NHSL1: variants seen among roughly 807,000 people sequenced by gnomAD.
NHSL1 encodes NHS-like protein 1.
In NHSL1, 48 loss-of-function variants were observed where a neutral mutation model predicts 95.0. The observed-to-expected ratio is 0.51, with a 90% confidence interval of 0.40 to 0.64. The LOEUF is 0.64. NHSL1 is among the 30% of genes least tolerant of loss of function. NHSL1 has a pLI of 0.00. For synonymous variants in NHSL1, 783 were observed against 833.9 expected (o/e 0.94, Z 1.05); for missense variants, 1,971 against 2,077.7 (o/e 0.95, Z 1.00).
intron 1 of NHSL1, among the ~76,000 whole-genome samples, chr6:138,508,100 G>A (rs1781049682): frequency 6.6e-6 from 1 of 152,150 alleles, no homozygotes; most frequent in South Asian, 2.1e-4. Flanking sequence ...ACTGTGACTG[G>A]TTTAGCCAAG....
intron 1 of NHSL1, among the ~76,000 whole-genome samples, chr6:138,647,767 T>G (rs1460843631): frequency 1.3e-5 from 2 of 151,986 alleles, no homozygotes; most frequent in South Asian, 2.1e-4. Flanking sequence ...CCGGCTAATT[T>G]TAGTATTTTC....
At chr6:138,589,859 G>A (rs769550621) in intron 1 of NHSL1, among the ~76,000 whole-genome samples, 5 of 151,972 alleles carry the variant, frequency 3.3e-5, no homozygotes, top group Non-Finnish European at 7.4e-5. Flanking sequence ...CTCTTCCTTG[G>A]CCCTTGCACC....
At chr6:138,428,609 C>G (rs950595594) in intron 7 of NHSL1, among the ~76,000 whole-genome samples, 6 of 152,160 alleles carry the variant, frequency 3.9e-5, no homozygotes, top group African/African-American at 1.4e-4. Context: ...GCTTCGTTCC[C>G]CCCACACCAA....
intron 1 of NHSL1, among the ~76,000 whole-genome samples, chr6:138,671,178 C>T (rs1785363263): frequency 6.6e-6 from 1 of 151,822 alleles, no homozygotes; most frequent in Non-Finnish European, 1.5e-5. Flanking sequence ...AAAAATAGGT[C>T]GGGCGTGGTG....
intron 3 of NHSL1, among the ~76,000 whole-genome samples, chr6:138,455,772 G>A (rs1468609307): frequency 3.3e-5 from 4 of 122,692 alleles, no homozygotes; most frequent in African/African-American, 1.1e-4. Flanking sequence ...CATAAACACT[G>A]GTAGTGCCAC....
intron 1 of NHSL1, among the ~76,000 whole-genome samples, chr6:138,625,771 T>C (rs1414649003): frequency 6.6e-6 from 1 of 152,040 alleles, no homozygotes. Context: ...TCTTCCTAGC[T>C]GCTAAGACTA....
intron 1 of NHSL1, among the ~76,000 whole-genome samples, chr6:138,675,080 A>G (rs1415468538): frequency 6.6e-6 from 1 of 151,992 alleles, no homozygotes; most frequent in African/African-American, 2.4e-5. Context: ...GAAAAAATTA[A>G]AAGAGGCACT....
At chr6:138,501,863 A>G (rs977533172), upstream of NHSL1, among the ~76,000 whole-genome samples, 2 of 152,192 alleles carry the variant, frequency 1.3e-5, no homozygotes, top group Non-Finnish European at 2.9e-5. Context: ...TCATCTCTAC[A>G]TTACTTATAG....
At chr6:138,657,082 G>A (rs1329414398) in intron 1 of NHSL1, among the ~76,000 whole-genome samples, 3 of 151,930 alleles carry the variant, frequency 2.0e-5, no homozygotes, top group South Asian at 2.1e-4. Flanking sequence ...CATAGATAAC[G>A]TATCATTAGG....
At position 138,458,689 on chromosome 6, in the gene NHSL1, G is replaced by C. The variant is rs145736737; in HGVS notation, c.340-11496C>G. On this transcript the variant is annotated intron_variant, in intron 3 of 7. Coordinates refer to ENST00000343505, the MANE Select transcript of NHSL1 (RefSeq NM_001144060.2). Reference sequence around the variant, plus strand: ...ACAAATACAAAAATTAGCTGGGTGTGGTGGCATGTGCCTGTAGTCCCAGCT... The same window carrying C: ...ACAAATACAAAAATTAGCTGGGTGTCGTGGCATGTGCCTGTAGTCCCAGCT... 2.9e-3 allele frequency among the ~76,000 whole-genome samples: 440 copies of C among 152,174 alleles called. 2 individuals are homozygous for C. The highest frequency in any genetic ancestry group is 9.4e-3 in the African/African-American group (390 of 41,540).
intron 1 of NHSL1, among the ~76,000 whole-genome samples, chr6:138,626,469 G>C (rs983116545): frequency 3.3e-5 from 5 of 152,096 alleles, no homozygotes; most frequent in African/African-American, 1.2e-4. Context: ...TAAATATTAA[G>C]AAGGCATTTG....
chr6:138,659,680 G>T (rs1324494044), intron 1 of NHSL1, among the ~76,000 whole-genome samples: 1 of 150,818 alleles, frequency 6.6e-6, no homozygotes, highest in Non-Finnish European at 1.5e-5. Flanking sequence ...CTAACATAAT[G>T]AGCTAATTAA....
rs181479840 is a variant in NHSL1, at chr6:138,580,937, A to G, written c.97-84566T>C. ...TCCTTTCAAAGAGAGAAGCAGGGGG[A>G]GGTTTCAGCTGGAAGAGGAAAAGGC... On this transcript the variant is annotated intron_variant, in intron 1 of 3. Coordinates refer to the NHSL1 transcript ENST00000491526. 7.2e-4 allele frequency among the ~76,000 whole-genome samples: 110 copies of G among 152,324 alleles called. No homozygotes were observed. The East Asian group carries it at 0.015, about 20-fold the overall frequency.
intron 1 of NHSL1, chr6:138,650,879 G>A (rs757424736): frequency 3.7e-5 from 20 of 540,780 alleles, no homozygotes; most frequent in African/African-American, 5.8e-5. Context: ...CTGGGGCCTC[G>A]GGCCTTGGAA....
At position 138,666,854 on chromosome 6, in the gene NHSL1, G is replaced by A. The variant is rs139539944; in HGVS notation, c.96+25622C>T. Among the ~76,000 whole-genome samples, 439 of 152,252 alleles carry A rather than the reference G, an allele frequency of 2.9e-3. 1 individual carries two copies. The highest frequency in any genetic ancestry group is 4.5e-3 in the Non-Finnish European group (308 of 68,018). On this transcript the variant is annotated intron_variant, in intron 1 of 3. Coordinates refer to the NHSL1 transcript ENST00000491526. ...GCATGCAGGGCATAAATTCTGTAACGCTGGAATCTCTTCCATGGGAATTTA... is the reference window on the plus strand; with the variant it reads ...GCATGCAGGGCATAAATTCTGTAACACTGGAATCTCTTCCATGGGAATTTA...
At chr6:138,598,627 GAAAAAAAAAA>G (rs35482505) in intron 1 of NHSL1, among the ~76,000 whole-genome samples, 1 of 86,846 alleles carries the variant, frequency 1.2e-5, no homozygotes, top group Admixed American at 1.3e-4. Context: ...TCATCTGGAA[GAAAAAAAAAA>G]AAAAAAAAAA....
chr6:138,566,483 G>A lies in NHSL1; in HGVS notation c.202+5227C>T, dbSNP rs188266087. Among the ~76,000 whole-genome samples the A allele has an allele frequency of 3.3e-5, 5 of 151,866 alleles. No homozygotes were observed. In the East Asian group the frequency reaches 5.8e-4, roughly 18 times the overall value. On this transcript the variant is annotated intron_variant, in intron 1 of 6. Transcript: ENST00000427025. ...TTTCAAAGAAGGTTTCCATAACTTA[G>A]CAAAGACATTTTAATGGAAAAGAAC... is the stretch of plus-strand genomic sequence containing the variant.
chr6:138,424,671 T>G lies in NHSL1; in HGVS notation c.4231A>C (p.Lys1411Gln). The change falls in exon 8 of 8, where the codon AAG becomes CAG. Residue 1411 changes from lysine (K) to glutamine (Q), a missense_variant. Physicochemically the swap from Lys to Gln is moderately conservative, Grantham distance 53. Around this residue, in one of 3 missense-constraint regions of NHSL1, gnomAD observed 146 missense variants for 206.3 expected, o/e 0.71. Coordinates refer to ENST00000343505, the MANE Select transcript of NHSL1 (RefSeq NM_001144060.2). This position sits in a 1 kb window ranked among gnomAD's most constrained non-coding sequence, Gnocchi z 5.9. ...QVGSIQRSIR[K>Q]SSTSSDNFKA... ...AAGTTGTCACTGCTGGTGCTGCTCT[T>G]TCGGATGCTTCTCTGAATCGACCCC... The G allele has an allele frequency of 6.4e-7, 1 of 1,551,562 alleles. No homozygotes were observed.
chr6:138,608,779 A>T (rs1259768224), intron 1 of NHSL1, among the ~76,000 whole-genome samples: 1 of 152,258 alleles, frequency 6.6e-6, no homozygotes, highest in Non-Finnish European at 1.5e-5. Context: ...TAAGACAAAT[A>T]ACTGTGCCAG....
Sources: allele counts gnomAD v4.1 joint callset (sites outside exome capture counted in the v4.1 genomes callset), GRCh38; gene constraint gnomAD v4.1.1; regional missense constraint gnomAD v4.1.1; non-coding constraint Gnocchi (gnomAD v3.1); transcripts MANE v1.5; gene names NCBI Gene and HGNC (gene_info 2026-07-23, HGNC 2026-07-21).